PRH1: variants seen among roughly 807,000 people sequenced by gnomAD.
PRH1 encodes salivary acidic proline-rich phosphoprotein 1/2.
A neutral mutation model predicts 7.9 loss-of-function variants in PRH1; 7 were observed. The ratio of observed to expected loss-of-function variants is 0.89; its 90% CI spans 0.50 to 1.67. The LOEUF is 1.67. Ranked by LOEUF, PRH1 falls within the 40% of genes most tolerant of loss-of-function variation. The probability of loss-of-function intolerance (pLI) is 0.00; values close to 1 mark genes in which losing one functional copy is unlikely to be tolerated. For missense variants in PRH1, 109 were observed against 223.6 expected (o/e 0.49, Z 3.27); for synonymous variants, 45 against 80.8 (o/e 0.56, Z 2.38).
At chr12:11,050,686 AC>A (rs1382334279), upstream of PRH1, among the ~76,000 whole-genome samples, 2 of 152,300 alleles carry the variant, frequency 1.3e-5, no homozygotes, top group Middle Eastern at 3.2e-3. Context: ...TAAGTACGCT[AC>A]ACTTTGTCAT....
At chr12:10,977,898 G>A (rs1352037894) in intron 1 of PRH1, among the ~76,000 whole-genome samples, 1 of 152,002 alleles carries the variant, frequency 6.6e-6, no homozygotes, top group East Asian at 1.9e-4. Context: ...ATTGCTCACA[G>A]AAATCAAATA....
At chr12:11,045,883 G>T (rs1200275446) in intron 1 of PRH1, among the ~76,000 whole-genome samples, 2 of 90,584 alleles carry the variant, frequency 2.2e-5, no homozygotes, top group Non-Finnish European at 5.1e-5. Flanking sequence ...ACCAATCAAA[G>T]GTTATATAAT....
chr12:11,150,649 A>T (rs1947049231), intron 1 of PRH1, among the ~76,000 whole-genome samples: 1 of 152,112 alleles, frequency 6.6e-6, no homozygotes, highest in Non-Finnish European at 1.5e-5. Context: ...GAAGGGGAAC[A>T]TCACATTCTG....
chr12:11,002,915 T>C (rs1344219170), intron 1 of PRH1, among the ~76,000 whole-genome samples: 2 of 152,156 alleles, frequency 1.3e-5, no homozygotes, highest in African/African-American at 4.8e-5. Flanking sequence ...GTAGCAAAAA[T>C]TGTCCTATAC....
chr12:11,048,448 A>G (rs937852729), upstream of PRH1: 1 of 367,488 alleles, frequency 2.7e-6, no homozygotes, highest in Non-Finnish European at 5.3e-6. Flanking sequence ...CAAAAGATAC[A>G]TGAATCCAAG....
chr12:11,136,620 T>C (rs963877670), intron 1 of PRH1, among the ~76,000 whole-genome samples: 3 of 152,234 alleles, frequency 2.0e-5, no homozygotes, highest in Admixed American at 2.0e-4. Context: ...AATTATATAA[T>C]CACCCTCAAG....
At chr12:10,975,762 CAG>C (rs1939064377) in intron 1 of PRH1, among the ~76,000 whole-genome samples, 1 of 122,448 alleles carries the variant, frequency 8.2e-6, no homozygotes, top group African/African-American at 2.8e-5. Context: ...AAAAAAAAAA[CAG>C]AGTTACTATT....
chr12:11,165,484 C>T (rs1348596712), intron 1 of PRH1, among the ~76,000 whole-genome samples: 2 of 152,154 alleles, frequency 1.3e-5, no homozygotes, highest in African/African-American at 4.8e-5. Context: ...TATATAGTTT[C>T]TATCTCTCTG....
Position 11,011,611 on chromosome 12 carries a change from T to C in PRH1, c.-126+35409A>G, listed in dbSNP as rs189713958. Among the ~76,000 whole-genome samples the C allele has an allele frequency of 1.2e-3, 176 of 152,222 alleles. 2 individuals carry two copies. Among genetic ancestry groups the C allele is most frequent in the Non-Finnish European group, 1.6e-4 (11 of 67,982 alleles). On this transcript the variant is annotated intron_variant, in intron 1 of 3. Coordinates refer to the PRH1 transcript ENST00000539853. ...AAAACCCAACTCATAATTCCTACATTGGATGTCTAAACTGTCATATGGAAC... is the reference window on the plus strand; with the variant it reads ...AAAACCCAACTCATAATTCCTACATCGGATGTCTAAACTGTCATATGGAAC...
intron 1 of PRH1, among the ~76,000 whole-genome samples, chr12:11,068,622 C>G (rs2708374): frequency 6.6e-6 from 1 of 151,932 alleles, no homozygotes; most frequent in Non-Finnish European, 1.5e-5. Flanking sequence ...TAGAGCTATA[C>G]GTAAAAGGTG....
At chr12:10,939,034 C>A in intron 2 of PRH1, 1 of 1,613,758 alleles carries the variant, frequency 6.2e-7, no homozygotes, top group Non-Finnish European at 8.5e-7. Context: ...TTAACCAAAC[C>A]AGGCTAATTC....
At chr12:10,922,814 A>G (rs1471058636) in intron 2 of PRH1, among the ~76,000 whole-genome samples, 1 of 101,900 alleles carries the variant, frequency 9.8e-6, no homozygotes, top group Non-Finnish European at 2.0e-5. Context: ...CATCTTTTCC[A>G]TGAATTTTTT....
chr12:11,073,615 C>T (rs1417197514), intron 1 of PRH1, among the ~76,000 whole-genome samples: 1 of 151,856 alleles, frequency 6.6e-6, no homozygotes, highest in Admixed American at 6.6e-5. Context: ...ACCTACCTAG[C>T]CTCTGCCAAA....
intron 1 of PRH1, among the ~76,000 whole-genome samples, chr12:10,999,228 C>A (rs139141546): frequency 3.9e-5 from 6 of 152,144 alleles, no homozygotes; most frequent in Non-Finnish European, 5.9e-5. Context: ...AATATGTGCG[C>A]CCTTGTTGTG....
At chr12:10,910,330 T>C (rs1417054853) in intron 2 of PRH1, among the ~76,000 whole-genome samples, 7 of 152,124 alleles carry the variant, frequency 4.6e-5, no homozygotes, top group African/African-American at 9.7e-5. Context: ...CAATATACTA[T>C]AATAAAAGTT....
In PRH1 at chr12:10,908,496, G is replaced by A. The variant is rs1949839720; in HGVS notation, c.-58-24221C>T. On this transcript the variant is annotated intron_variant, in intron 2 of 3. Coordinates refer to the PRH1 transcript ENST00000539853. The stretch of plus-strand genomic sequence containing the variant: ...GCTTGAAGGAGAGAAGACTCCAATC[G>A]TCTCACAAAGCATGTAGATCACTGT... 10 of 1,613,802 alleles carry A rather than the reference G, an allele frequency of 6.2e-6. No individual in the cohort carries two copies. The highest frequency in any genetic ancestry group is 8.5e-6 in the Non-Finnish European group (10 of 1,179,872).
chr12:10,931,616 T>C lies in PRH1; in HGVS notation c.-59+42039A>G, dbSNP rs2135870006. ...ACCAAGCTAAATAGCAATTCATTTC[T>C]CCTCCCCTCTACCCTTACCAAAACT... On this transcript the variant is annotated intron_variant, in intron 2 of 3. Coordinates refer to the PRH1 transcript ENST00000539853. Among the ~76,000 whole-genome samples the C allele has an allele frequency of 2.0e-5, 3 of 152,302 alleles. No individual in the cohort carries two copies. The Middle Eastern group carries it at 0.01, about 518-fold the overall frequency.
rs1234274075 is a variant in PRH1 at position 11,168,255 on chromosome 12, AG to A, written n.39+3166del. ...AAGAAAGAAAGAAAGAAAGAAAGAA[AG>A]AAAGAAAGAAAGAAAGAAAGAAAGA... On this transcript the variant is annotated intron_variant and non_coding_transcript_variant, in intron 1 of 1. Transcript: ENST00000541175. 1.1e-4 allele frequency among the ~76,000 whole-genome samples: 4 copies of A among 36,740 alleles called. 1 individual carries two copies. In the East Asian group the frequency reaches 1.6e-3, roughly 15 times the overall value. The allele number at this position is 36,740 out of a possible 152,430, so 24.1% of individuals were successfully genotyped here. A position where few individuals can be genotyped will look rare whatever the true frequency, so the allele number is the denominator to read the frequency against.
At chr12:10,916,494 T>C (rs1949974346) in intron 2 of PRH1, among the ~76,000 whole-genome samples, 1 of 152,092 alleles carries the variant, frequency 6.6e-6, no homozygotes. Context: ...GAACATTTCC[T>C]TGTCTTTAAG....
Sources: allele counts gnomAD v4.1 joint callset (sites outside exome capture counted in the v4.1 genomes callset), GRCh38; gene constraint gnomAD v4.1.1; transcripts MANE v1.5; gene names NCBI Gene and HGNC (gene_info 2026-07-23, HGNC 2026-07-21).